Variants in UBE2D1 observed in about 807,000 individuals in gnomAD.
UBE2D1 encodes ubiquitin conjugating enzyme E2 D1.
A neutral mutation model predicts 24.6 loss-of-function variants in UBE2D1; 9 were observed. The ratio of observed to expected loss-of-function variants is 0.37; its 90% CI spans 0.22 to 0.64. The LOEUF is 0.64. Ranked by LOEUF, UBE2D1 falls within the 30% of genes least tolerant of loss-of-function variation. UBE2D1 has a pLI of 0.64. For synonymous variants in UBE2D1, 57 were observed against 57.6 expected (o/e 0.99, Z 0.04); for missense variants, 87 against 177.1 (o/e 0.49, Z 2.89).
chr10:58,350,544 C>CT lies in UBE2D1; in HGVS notation c.25-10791dup, dbSNP rs560060755. Among the ~76,000 whole-genome samples, 73 of 152,280 alleles carry CT rather than the reference C, an allele frequency of 4.8e-4. No homozygotes were observed. The South Asian group carries it at 6.4e-3, about 13-fold the overall frequency. ...GTAATATTGCAAATATTTTCTCTCA[C>CT]TTTGTGGCTTGTCTCTTCACACTTT... On this transcript the variant is annotated intron_variant, in intron 1 of 6. Coordinates refer to ENST00000373910, the MANE Select transcript of UBE2D1 (RefSeq NM_003338.5).
chr10:58,362,910 C>T lies in UBE2D1; in HGVS notation c.121-699C>T, dbSNP rs564723275. Among the ~76,000 whole-genome samples, 380 of 151,932 alleles carry T rather than the reference C, an allele frequency of 2.5e-3. 1 individual carries two copies. The highest frequency in any genetic ancestry group is 8.7e-3 in the African/African-American group (360 of 41,490). The stretch of plus-strand genomic sequence containing the variant: ...TGTAGGTATAGTTTGCTAGCATTTT[C>T]TTTTTTTAAAATTTTTTTGCTTGTA... On this transcript the variant is annotated intron_variant, in intron 3 of 6. Transcript: ENST00000373910.
At chr10:58,359,232 A>G (rs1589002127) in intron 1 of UBE2D1, among the ~76,000 whole-genome samples, 2 of 152,142 alleles carry the variant, frequency 1.3e-5, no homozygotes, top group East Asian at 3.9e-4. Flanking sequence ...CAGTGATTCT[A>G]AGGTGGACAT....
chr10:58,345,085 G>A (rs554094632), intron 1 of UBE2D1, among the ~76,000 whole-genome samples: 20 of 152,012 alleles, frequency 1.3e-4, no homozygotes, highest in African/African-American at 4.8e-4. Context: ...GGCTGGTCTC[G>A]AACTCCTGAC....
At chr10:58,349,935 T>C (rs1336875973) in intron 1 of UBE2D1, among the ~76,000 whole-genome samples, 1 of 152,212 alleles carries the variant, frequency 6.6e-6, no homozygotes, top group Non-Finnish European at 1.5e-5. Context: ...CTGCTTTTGC[T>C]CACCATATTT....
At chr10:58,355,855 G>GT (rs533502046) in intron 1 of UBE2D1, among the ~76,000 whole-genome samples, 47 of 151,926 alleles carry the variant, frequency 3.1e-4, no homozygotes, top group Non-Finnish European at 4.9e-4. Context: ...AATCTCACCA[G>GT]TTTTTTTTCA....
chr10:58,352,990 T>A (rs1840093632), intron 1 of UBE2D1, among the ~76,000 whole-genome samples: 1 of 152,214 alleles, frequency 6.6e-6, no homozygotes, highest in Non-Finnish European at 1.5e-5. Flanking sequence ...TGTATTTCCT[T>A]GGAGGTACAA....
At chr10:58,340,707 A>C (rs761704330) in intron 1 of UBE2D1, among the ~76,000 whole-genome samples, 19 of 152,190 alleles carry the variant, frequency 1.2e-4, no homozygotes, top group Non-Finnish European at 2.6e-4. Flanking sequence ...ATCCAATAGA[A>C]ATACAATGTG....
At chr10:58,365,092 G>GA (rs1164399351) in intron 5 of UBE2D1, among the ~76,000 whole-genome samples, 1 of 152,144 alleles carries the variant, frequency 6.6e-6, no homozygotes, top group African/African-American at 2.4e-5. Flanking sequence ...GATGAAATGA[G>GA]AAAAAACCTT....
chr10:58,368,258 A>G (rs979695650), intron 6 of UBE2D1: 2 of 347,734 alleles, frequency 5.8e-6, no homozygotes, highest in Admixed American at 8.4e-5. Context: ...AGATGTATAT[A>G]TTCTAGGTGA....
At chr10:58,336,267 G>C (rs1418397030) in intron 1 of UBE2D1, among the ~76,000 whole-genome samples, 1 of 152,212 alleles carries the variant, frequency 6.6e-6, no homozygotes, top group Non-Finnish European at 1.5e-5. Context: ...TTGTTAAATA[G>C]GGAGTGCTTT....
At chr10:58,347,613 C>T (rs1321559894) in intron 1 of UBE2D1, among the ~76,000 whole-genome samples, 1 of 150,318 alleles carries the variant, frequency 6.7e-6, no homozygotes, top group African/African-American at 2.5e-5. Context: ...TAATTCTGAC[C>T]TCAAGCTTTT....
intron 1 of UBE2D1, among the ~76,000 whole-genome samples, chr10:58,339,611 C>T (rs748650022): frequency 6.6e-6 from 1 of 151,944 alleles, no homozygotes; most frequent in Non-Finnish European, 1.5e-5. Context: ...TCTTAGTATA[C>T]CCAAGAGGTA....
intron 3 of UBE2D1, among the ~76,000 whole-genome samples, 181 bp from the exon 4 acceptor site, chr10:58,363,428 A>G (rs183159173): frequency 5.9e-5 from 9 of 152,326 alleles, no homozygotes; most frequent in African/African-American, 2.2e-4. Flanking sequence ...ACCTGTTCTC[A>G]AAGTAAATGA....
chr10:58,347,324 G>A (rs1261059852), intron 1 of UBE2D1, among the ~76,000 whole-genome samples: 2 of 152,146 alleles, frequency 1.3e-5, no homozygotes, highest in Non-Finnish European at 2.9e-5. Context: ...TTACTAGAAC[G>A]AATAAATGCA....
intron 1 of UBE2D1, among the ~76,000 whole-genome samples, chr10:58,359,774 G>C (rs1378464364): frequency 6.6e-6 from 1 of 152,200 alleles, no homozygotes; most frequent in Non-Finnish European, 1.5e-5. Flanking sequence ...AGGATTGTTA[G>C]AATGACTAAG....
At chr10:58,339,287 G>C (rs1239192356) in intron 1 of UBE2D1, among the ~76,000 whole-genome samples, 1 of 152,046 alleles carries the variant, frequency 6.6e-6, no homozygotes, top group Non-Finnish European at 1.5e-5. Context: ...TGTATTTTCA[G>C]TAGAGATGGG....
Position 58,361,191 on chromosome 10 carries a change from A to G in UBE2D1, c.25-147A>G, listed in dbSNP as rs954850001. 25 of 773,072 alleles carry G rather than the reference A, an allele frequency of 3.2e-5. No homozygotes were observed. The African/African-American group carries it at 3.7e-4, about 11-fold the overall frequency. The allele number at this position is 773,072 out of a possible 1,614,324, so 47.9% of individuals were successfully genotyped here. On this transcript the variant is annotated intron_variant, in intron 1 of 6. Coordinates refer to ENST00000373910, the MANE Select transcript of UBE2D1 (RefSeq NM_003338.5). ...AGTACCTTATTCTTTCTACCAGTCA[A>G]TGACAGAGTACAATTTATGTTTTTA...
intron 1 of UBE2D1, chr10:58,360,839 C>A: frequency 5.3e-6 from 2 of 376,226 alleles, no homozygotes; most frequent in Non-Finnish European, 1.0e-5. Context: ...GTGGGAGGAT[C>A]GCTTAGGCCC....
intron 1 of UBE2D1, chr10:58,361,039 T>C (rs895472064): frequency 1.4e-5 from 7 of 493,214 alleles, no homozygotes; most frequent in African/African-American, 1.4e-4. Flanking sequence ...ACCTAGCATT[T>C]ACATAAATTA....
Sources: gnomAD v4.1 joint callset for allele counts (sites outside exome capture counted in the v4.1 genomes callset) on GRCh38, gnomAD v4.1.1 for gene constraint, MANE v1.5 for transcripts, NCBI Gene and HGNC (gene_info 2026-07-23, HGNC 2026-07-21) for gene names.